Variants in HOXD10 observed in about 807,000 individuals in gnomAD.
The protein encoded by HOXD10 is homeobox D10.
In HOXD10, 15 loss-of-function variants were observed where a neutral mutation model predicts 27.0. The observed-to-expected ratio is 0.56, with a 90% confidence interval of 0.37 to 0.85. The LOEUF is 0.85. HOXD10 is among the 40% of genes least tolerant of loss of function. The pLI is 0.00. For missense variants in HOXD10, 440 were observed against 430.4 expected (o/e 1.02, Z -0.20); for synonymous variants, 178 against 160.9 (o/e 1.11, Z -0.80).
In HOXD10 at chr2:176,116,896, C is replaced by T. The variant is rs375832062; in HGVS notation, c.63C>T (p.Ala21=). The stretch of plus-strand genomic sequence containing the variant: ...TTTTAGTAGATTCCTTGATCAGTGC[C>T]TGCAGGAGTGACAGTTTTTATTCCA... ...NTFLVDSLIS[A]CRSDSFYSSS... The change falls in exon 1 of 2, where the codon GCC becomes GCT. Residue 21 remains alanine (A), a synonymous_variant. Coordinates refer to ENST00000249501, the MANE Select transcript of HOXD10 (RefSeq NM_002148.4). The T allele has an allele frequency of 1.1e-5, 18 of 1,613,962 alleles. No individual in the cohort carries two copies. The highest frequency in any genetic ancestry group is 1.5e-5 in the Non-Finnish European group (18 of 1,179,918).
At position 176,119,762 on chromosome 2, in the gene HOXD10, T is replaced by G. The variant is rs1689836983; in HGVS notation, c.*531T>G. 6.6e-6 allele frequency: 1 copy of G among 152,458 alleles called. No homozygotes were observed. The highest frequency in any genetic ancestry group is 1.5e-5 in the Non-Finnish European group (1 of 68,012). The allele number at this position is 152,458 out of a possible 1,614,324, so 9.4% of individuals were successfully genotyped here. A position where few individuals can be genotyped will look rare whatever the true frequency, so the allele number is the denominator to read the frequency against. The stretch of plus-strand genomic sequence containing the variant: ...GGGGGACTTAAAAAGCACATTACAA[T>G]GTATCTTTTCACAAATGAATTTAGC... On this transcript the variant is annotated 3_prime_UTR_variant, in exon 2 of 2. Coordinates refer to ENST00000249501, the MANE Select transcript of HOXD10 (RefSeq NM_002148.4).
chr2:176,119,464 T>TATATATATATATATATATATA lies in HOXD10; in HGVS notation c.*234_*235insTATATATATATATATATATAA, dbSNP rs886055159. 1 of 145,758 alleles carries TATATATATATATATATATATA rather than the reference T, an allele frequency of 6.9e-6. No homozygotes were observed. Among genetic ancestry groups the TATATATATATATATATATATA allele is most frequent in the Non-Finnish European group, 1.4e-5 (1 of 70,366 alleles). 9.0% of individuals were successfully genotyped at this position (145,758 alleles called of 1,614,324 possible). On this transcript the variant is annotated 3_prime_UTR_variant, in exon 2 of 2. Coordinates refer to ENST00000249501, the MANE Select transcript of HOXD10 (RefSeq NM_002148.4). ...ATATATATATATATATATATATATA[T>TATATATATATATATATATATA]AAAAACTTAGCACGTGTAATTTATT...
Position 176,116,918 on chromosome 2 carries a change from T to C in HOXD10, c.85T>C (p.Ser29Pro). 6.2e-7 allele frequency: 1 copy of C among 1,614,156 alleles called. No individual in the cohort carries two copies. Among genetic ancestry groups the C allele is most frequent in the Non-Finnish European group, 8.5e-7 (1 of 1,180,006 alleles). ...TGCCTGCAGGAGTGACAGTTTTTAT[T>C]CCAGCAGCGCCAGCATGTACATGCC... ...ISACRSDSFYSSSASMYMPPP... is the reference protein window; with the variant it reads ...ISACRSDSFYPSSASMYMPPP... Residue 29 changes from serine (S) to proline (P), a missense_variant, in exon 1 of 2, where the codon TCC becomes CCC. Transcript: ENST00000249501.
intron 1 of HOXD10, 116 bp from the exon 2 acceptor site, chr2:176,118,838 C>G: frequency 1.1e-6 from 1 of 923,798 alleles, no homozygotes; most frequent in Non-Finnish European, 1.7e-6. Flanking sequence ...TTTGAACAGT[C>G]TGAAGAAAAA....
intron 1 of HOXD10, 116 bp downstream of exon 1, chr2:176,117,694 G>C (rs369426731): frequency 8.3e-7 from 1 of 1,206,716 alleles, no homozygotes; most frequent in Non-Finnish European, 1.2e-6. Context: ...GTGCTGCTCC[G>C]CCTGGTTTTA....
chr2:176,117,542 G>C lies in HOXD10; in HGVS notation c.709G>C (p.Val237Leu). 1.2e-6 allele frequency: 2 copies of C among 1,613,198 alleles called. No homozygotes were observed. The highest frequency in any genetic ancestry group is 1.7e-6 in the Non-Finnish European group (2 of 1,180,036). ...GAGGAGCTGCCTGGCTGAGGTCTCCGTGTCCAGTCCCGAAGTGCAGGAGAA... is the reference window on the plus strand; with the variant it reads ...GAGGAGCTGCCTGGCTGAGGTCTCCCTGTCCAGTCCCGAAGTGCAGGAGAA... ...EERSCLAEVSVSSPEVQEKES... is the reference protein window; with the variant it reads ...EERSCLAEVSLSSPEVQEKES... The change falls in exon 1 of 2, where the codon GTG (valine) becomes CTG (leucine). Residue 237 changes from valine (V) to leucine (L), a missense_variant. Val to Leu is a conservative substitution (Grantham distance 32, BLOSUM62 1). Coordinates refer to ENST00000249501, the MANE Select transcript of HOXD10 (RefSeq NM_002148.4).
At position 176,117,559 on chromosome 2, in the gene HOXD10, G is replaced by A; in HGVS notation, c.726G>A (p.Val242=). 1 of 1,613,166 alleles carries A rather than the reference G, an allele frequency of 6.2e-7. No individual in the cohort carries two copies. Among genetic ancestry groups the A allele is most frequent in the East Asian group, 2.2e-5 (1 of 44,882 alleles). Residue 242 remains valine, a synonymous_variant, in exon 1 of 2, where the codon GTG becomes GTA. Coordinates refer to ENST00000249501, the MANE Select transcript of HOXD10 (RefSeq NM_002148.4). ...AGGTCTCCGTGTCCAGTCCCGAAGT[G>A]CAGGAGAAGGAAAGCAAAGGTCGGT... ...LAEVSVSSPE[V]QEKESKEEIK...
chr2:176,119,465 A>ATATATATATATATG lies in HOXD10; in HGVS notation c.*234_*235insTATATATATATATG, dbSNP rs1559118669. The ATATATATATATATG allele has an allele frequency of 7.1e-6, 1 of 140,932 alleles. No homozygotes were observed. Among genetic ancestry groups the ATATATATATATATG allele is most frequent in the Admixed American group, 7.2e-5 (1 of 13,922 alleles). 8.7% of individuals were successfully genotyped at this position (140,932 alleles called of 1,614,324 possible). On this transcript the variant is annotated 3_prime_UTR_variant, in exon 2 of 2. Transcript: ENST00000249501. ...TATATATATATATATATATATATATAAAAACTTAGCACGTGTAATTTATTA... is the reference window on the plus strand; with the variant it reads ...TATATATATATATATATATATATATATATATATATATATGAAAACTTAGCACGTGTAATTTATTA...
At position 176,118,996 on chromosome 2, in the gene HOXD10, CA is replaced by C. The variant is rs1689816359; in HGVS notation, c.791del (p.Lys264ArgfsTer18). 6.2e-7 allele frequency: 1 copy of C among 1,613,490 alleles called. No individual in the cohort carries two copies. Among genetic ancestry groups the C allele is most frequent in the Non-Finnish European group, 8.5e-7 (1 of 1,179,758 alleles). On this transcript the variant is annotated frameshift_variant, in exon 2 of 2. Transcript: ENST00000249501. LOFTEE classifies it high-confidence loss of function. Reference sequence around the variant, plus strand: ...ACACCAACCAGCAATTGGCTCACTGCAAAGAGTGGCAGAAAGAAGAGGTGCC... The same window carrying C: ...ACACCAACCAGCAATTGGCTCACTGCAAGAGTGGCAGAAAGAAGAGGTGCC... ...SDTPTSNWLTAKSGRKKRCPY... is the reference protein window; with the variant it reads ...SDTPTSNWLTXKSGRKKRCPY...
chr2:176,117,504 GCCTTC>G lies in HOXD10; in HGVS notation c.674_678del (p.Leu225ArgfsTer8). ...GTGGAGAGCCCCGAGGCCAAAGGCG[GCCTTC>G]CCGAAGAGAGGAGCTGCCTGGCTGA... On this transcript the variant is annotated frameshift_variant, in exon 1 of 2. Coordinates refer to ENST00000249501, the MANE Select transcript of HOXD10 (RefSeq NM_002148.4). LOFTEE classifies it high-confidence loss of function. 1.9e-6 allele frequency: 3 copies of G among 1,613,172 alleles called. No homozygotes were observed. The highest frequency in any genetic ancestry group is 2.5e-6 in the Non-Finnish European group (3 of 1,180,032).
At position 176,117,227 on chromosome 2, in the gene HOXD10, C is replaced by T. The variant is rs749267339; in HGVS notation, c.394C>T (p.Gln132Ter). The T allele has an allele frequency of 1.9e-6, 3 of 1,611,872 alleles. No homozygotes were observed. Among genetic ancestry groups the T allele is most frequent in the Non-Finnish European group, 2.5e-6 (3 of 1,178,142 alleles). ...CATTTCGGCCGAGGTCCCTTCGTACCAGAGGCTGGTCCCTGAGTCTTGTCC... is the reference window on the plus strand; with the variant it reads ...CATTTCGGCCGAGGTCCCTTCGTACTAGAGGCTGGTCCCTGAGTCTTGTCC... ...KLISAEVPSY[Q>*]RLVPESCPVE... Residue 132 changes from glutamine to a stop codon, truncating the protein, a stop_gained, in exon 1 of 2, where the codon CAG (glutamine) becomes TAG (stop). Transcript: ENST00000249501. LOFTEE classifies it high-confidence loss of function.
intron 1 of HOXD10, 46 bp from the exon 2 acceptor site, chr2:176,118,908 A>G: frequency 6.5e-7 from 1 of 1,547,642 alleles, no homozygotes; most frequent in East Asian, 2.2e-5. Flanking sequence ...ACAAACAAAC[A>G]AAAAACCTCT....
Position 176,117,036 on chromosome 2 carries a change from GT to G in HOXD10, c.204del (p.Met69Ter). The G allele has an allele frequency of 6.2e-7, 1 of 1,614,168 alleles. No individual in the cohort carries two copies. Among genetic ancestry groups the G allele is most frequent in the Non-Finnish European group, 8.5e-7 (1 of 1,180,024 alleles). On this transcript the variant is annotated frameshift_variant, in exon 1 of 2. Coordinates refer to ENST00000249501, the MANE Select transcript of HOXD10 (RefSeq NM_002148.4). LOFTEE classifies it high-confidence loss of function. Reference protein sequence around the residue: ...AKREVNHQNMGMNVHPYIPQV... With the variant: ...AKREVNHQNMXMNVHPYIPQV... ...AGAGAAGTGAACCACCAAAATATGGGTATGAATGTGCATCCTTATATACCTC... is the reference window on the plus strand; with the variant it reads ...AGAGAAGTGAACCACCAAAATATGGGATGAATGTGCATCCTTATATACCTC...
chr2:176,119,696 T>C lies in HOXD10; in HGVS notation c.*465T>C, dbSNP rs1689835865. On this transcript the variant is annotated 3_prime_UTR_variant, in exon 2 of 2. Transcript: ENST00000249501. ...CAGTACTTTAAAAATGACATATATA[T>C]TTAAAAAAAAAAGATTAAGAAAACC... The C allele has an allele frequency of 6.6e-6, 1 of 151,386 alleles. No homozygotes were observed. Among genetic ancestry groups the C allele is most frequent in the South Asian group, 2.1e-4 (1 of 4,784 alleles). The allele number at this position is 151,386 out of a possible 1,614,324, so 9.4% of individuals were successfully genotyped here.
intron 1 of HOXD10, 23 bp from the exon 2 acceptor site, chr2:176,118,931 T>A: frequency 6.2e-7 from 1 of 1,601,126 alleles, no homozygotes; most frequent in Non-Finnish European, 8.5e-7. Flanking sequence ...ATTTTTTTCT[T>A]CTTCTCCCTT....
chr2:176,119,155 A>G lies in HOXD10; in HGVS notation c.947A>G (p.Asn316Ser). 1 of 1,613,950 alleles carries G rather than the reference A, an allele frequency of 6.2e-7. No individual in the cohort carries two copies. ...TDRQVKIWFQ[N>S]RRMKLKKMSR... is the part of the protein sequence containing the mutation. Reference sequence around the variant, plus strand: ...AGGCAGGTCAAGATTTGGTTTCAAAACCGCCGAATGAAACTCAAGAAGATG... The same window carrying G: ...AGGCAGGTCAAGATTTGGTTTCAAAGCCGCCGAATGAAACTCAAGAAGATG... Residue 316 changes from asparagine to serine, a missense_variant, in exon 2 of 2, where the codon AAC (asparagine) becomes AGC (serine). Coordinates refer to ENST00000249501, the MANE Select transcript of HOXD10 (RefSeq NM_002148.4).
At chr2:176,118,188 T>G (rs1191973983) in intron 1 of HOXD10, among the ~76,000 whole-genome samples, 1 of 152,224 alleles carries the variant, frequency 6.6e-6, no homozygotes, top group East Asian at 1.9e-4. Flanking sequence ...GAACCCGCAT[T>G]GCCCTCCCTG....
rs529344873 is a variant in HOXD10, at chr2:176,118,876, CAAAACA to C, written c.746-57_746-52del. The C allele has an allele frequency of 8.8e-3, 8,526 of 973,324 alleles. 62 individuals are homozygous for C. The highest frequency in any genetic ancestry group is 9.9e-3 in the Non-Finnish European group (7,198 of 725,158). 60.3% of individuals were successfully genotyped at this position (973,324 alleles called of 1,614,324 possible). ...CAAAAACGAAAACCAAAACCAAAAC[CAAAACA>C]AAAACAAAAACAAAAACAAACAAAC... On this transcript the variant is annotated intron_variant, in intron 1 of 1. Coordinates refer to ENST00000249501, the MANE Select transcript of HOXD10 (RefSeq NM_002148.4).
rs1689833012 is a variant in HOXD10 at position 176,119,521 on chromosome 2, T to C, written c.*290T>C. ...TCATCGTAATGCAGGGTAACTATTA[T>C]TGCGCATTTTCATTTGGGTCTTAAC... On this transcript the variant is annotated 3_prime_UTR_variant, in exon 2 of 2. Coordinates refer to ENST00000249501, the MANE Select transcript of HOXD10 (RefSeq NM_002148.4). The C allele has an allele frequency of 6.6e-6, 1 of 151,368 alleles. No homozygotes were observed. The allele number at this position is 151,368 out of a possible 1,614,324, so 9.4% of individuals were successfully genotyped here. A position where few individuals can be genotyped will look rare whatever the true frequency, so the allele number is the denominator to read the frequency against.
Sources: allele counts gnomAD v4.1 joint callset (sites outside exome capture counted in the v4.1 genomes callset), GRCh38; gene constraint gnomAD v4.1.1; transcripts MANE v1.5; gene names NCBI Gene and HGNC (gene_info 2026-07-23, HGNC 2026-07-21).